Variants in UPF1 observed in about 807,000 individuals in gnomAD.
UPF1 encodes regulator of nonsense transcripts 1.
In UPF1, 9 loss-of-function variants were observed where a neutral mutation model predicts 129.2. That is an observed-to-expected ratio of 0.07 (90% confidence interval 0.04 to 0.12). UPF1 has a LOEUF of 0.12. UPF1 is among the 10% of genes least tolerant of loss of function. The pLI is 1.00. For missense variants in UPF1, 788 were observed against 1,525.3 expected, an observed-to-expected ratio of 0.52 and a Z score of 8.05; for synonymous variants, 649 against 644.9, an observed-to-expected ratio of 1.01 and a Z score of -0.10.
Position 18,860,430 on chromosome 19 carries a change from C to T in UPF1, c.2292C>T (p.Tyr764=), listed in dbSNP as rs2055765553. ...AGATTGCCAGCTCGGGCACCTCCTACCTGAACAGGTGAGCAGGGACAGGCC... is the reference window on the plus strand; with the variant it reads ...AGATTGCCAGCTCGGGCACCTCCTATCTGAACAGGTGAGCAGGGACAGGCC... ...QEEIASSGTS[Y]LNRTEAANVE... Residue 764 remains tyrosine, a synonymous_variant, in exon 16 of 24, where the codon TAC becomes TAT. Transcript: ENST00000262803. The T allele has an allele frequency of 1.2e-6, 2 of 1,614,044 alleles. No homozygotes were observed. Among genetic ancestry groups the T allele is most frequent in the Non-Finnish European group, 1.7e-6 (2 of 1,179,984 alleles).
chr19:18,855,472 G>T (rs570730983), intron 11 of UPF1: 18 of 605,420 alleles, frequency 3.0e-5, no homozygotes, highest in African/African-American at 3.0e-4. Context: ...TGGGGGCAGG[G>T]GGGGCATGGC....
intron 1 of UPF1, among the ~76,000 whole-genome samples, chr19:18,843,106 A>G (rs1436413002): frequency 6.6e-6 from 1 of 152,120 alleles, no homozygotes; most frequent in Non-Finnish European, 1.5e-5. Flanking sequence ...TACAGGTATG[A>G]GCCATCACGC....
At chr19:18,847,868 G>A (rs774919696) in intron 3 of UPF1, 35 bp downstream of exon 3, 1 of 1,591,778 alleles carries the variant, frequency 6.3e-7, no homozygotes, top group Non-Finnish European at 8.6e-7. Flanking sequence ...TGTTTAATCA[G>A]TGCTGTGCTC....
chr19:18,860,104 C>A, intron 15 of UPF1: 1 of 594,020 alleles, frequency 1.7e-6, no homozygotes, highest in South Asian at 2.0e-5. Flanking sequence ...TCTGTGCTGG[C>A]CATGGTGCTC....
At chr19:18,834,483 C>G (rs1002362208) in intron 1 of UPF1, among the ~76,000 whole-genome samples, 19 of 152,084 alleles carry the variant, frequency 1.2e-4, no homozygotes, top group African/African-American at 4.1e-4. Context: ...ACACACTGGG[C>G]TGTACAAAAG....
Position 18,856,245 on chromosome 19 carries a change from C to T in UPF1, c.1769C>T (p.Ala590Val), listed in dbSNP as rs774892145. The change falls in exon 13 of 24, where the codon GCC becomes GTC. Residue 590 changes from alanine to valine, a missense_variant. Transcript: ENST00000262803. ...GACGAGACTGGGGAGCTGTCGTCTG[C>T]CGACGAGAAGCGGTACCGGGCCTTG... is the stretch of plus-strand genomic sequence containing the variant. ...LKDETGELSS[A>V]DEKRYRALKR... 2.5e-6 allele frequency: 4 copies of T among 1,610,016 alleles called. No homozygotes were observed. The highest frequency in any genetic ancestry group is 3.4e-6 in the Non-Finnish European group (4 of 1,176,790).
Position 18,855,091 on chromosome 19 carries a change from G to A in UPF1, c.1426-33G>A, listed in dbSNP as rs368398780. On this transcript the variant is annotated intron_variant, in intron 10 of 23. Transcript: ENST00000262803. ...CTCGCCCATGGGCCGGGACGCAAGCGGAGGCTGCCCCTAACGGCCGCTTGT... is the reference window on the plus strand; with the variant it reads ...CTCGCCCATGGGCCGGGACGCAAGCAGAGGCTGCCCCTAACGGCCGCTTGT... 5.3e-5 allele frequency: 86 copies of A among 1,613,416 alleles called. No homozygotes were observed. In the East Asian group the frequency reaches 8.2e-4, roughly 15 times the overall value.
chr19:18,848,504 G>T (rs2055623782), intron 3 of UPF1: 1 of 152,320 alleles, frequency 6.6e-6, no homozygotes, highest in African/African-American at 2.4e-5. Context: ...CTGCTGGAGA[G>T]GATGGAGCAG....
chr19:18,840,590 C>G (rs138386112), intron 1 of UPF1, among the ~76,000 whole-genome samples: 1 of 152,196 alleles, frequency 6.6e-6, no homozygotes, highest in Admixed American at 6.5e-5. Context: ...GCCGTGACAC[C>G]CAGCTGTGCT....
intron 23 of UPF1, 121 bp from the exon 24 acceptor site, chr19:18,866,398 TCA>T (rs2055845002): frequency 7.6e-6 from 4 of 529,792 alleles, no homozygotes; most frequent in Non-Finnish European, 1.3e-5. Flanking sequence ...CCGCGGGACC[TCA>T]GTTTCCTCAT....
At chr19:18,849,934 A>C in intron 3 of UPF1, 141 bp from the exon 4 acceptor site, 9 of 1,032,704 alleles carry the variant, frequency 8.7e-6, no homozygotes, top group East Asian at 2.6e-5. Flanking sequence ...GCTGGCCCCC[A>C]GAGATGCCAG....
Position 18,860,826 on chromosome 19 carries a change from G to T in UPF1, c.2301G>T (p.Arg767Ser). 1 of 1,612,340 alleles carries T rather than the reference G, an allele frequency of 6.2e-7. No homozygotes were observed. The highest frequency in any genetic ancestry group is 8.5e-7 in the Non-Finnish European group (1 of 1,179,660). Residue 767 changes from arginine to serine, a missense_variant and splice_region_variant, in exon 17 of 24, where the codon AGG becomes AGT. Coordinates refer to ENST00000262803, the MANE Select transcript of UPF1 (RefSeq NM_002911.4). Reference sequence around the variant, plus strand: ...AGCACTGACAGCCTGGGTTTCTTAGGACCGAGGCTGCGAACGTGGAGAAGA... The same window carrying T: ...AGCACTGACAGCCTGGGTTTCTTAGTACCGAGGCTGCGAACGTGGAGAAGA... ...IASSGTSYLN[R>S]TEAANVEKIT...
At chr19:18,846,814 C>T in intron 2 of UPF1, among the ~76,000 whole-genome samples, 1 of 152,124 alleles carries the variant, frequency 6.6e-6, no homozygotes, top group East Asian at 1.9e-4. Context: ...CACGGTGAAA[C>T]CCTGTCTCCA....
chr19:18,833,421 T>C (rs2055450142), intron 1 of UPF1: 1 of 151,952 alleles, frequency 6.6e-6, no homozygotes, highest in South Asian at 2.1e-4. Context: ...CATAAACGAG[T>C]CTGCCACGTT....
At chr19:18,843,920 A>G (rs1420820726) in intron 1 of UPF1, among the ~76,000 whole-genome samples, 1 of 151,644 alleles carries the variant, frequency 6.6e-6, no homozygotes, top group Non-Finnish European at 1.5e-5. Context: ...TCGTTTGTGT[A>G]TTTTTTTGTG....
intron 1 of UPF1, among the ~76,000 whole-genome samples, chr19:18,833,543 C>G (rs2055451370): frequency 1.4e-5 from 2 of 138,586 alleles, no homozygotes; most frequent in South Asian, 5.0e-4. Context: ...CTGGGCGCTG[C>G]TTGCCTGGGG....
intron 23 of UPF1, 141 bp downstream of exon 23, chr19:18,866,307 C>T: frequency 1.5e-6 from 2 of 1,315,878 alleles, no homozygotes; most frequent in Non-Finnish European, 1.0e-6. Context: ...GCCCTCAGGG[C>T]CAGCTTGGCC....
At position 18,860,956 on chromosome 19, in the gene UPF1, G is replaced by A. The variant is rs775965911; in HGVS notation, c.2431G>A (p.Gly811Ser). 3 of 1,586,398 alleles carry A rather than the reference G, an allele frequency of 1.9e-6. No homozygotes were observed. Among genetic ancestry groups the A allele is most frequent in the Admixed American group, 1.8e-5 (1 of 56,442 alleles). ...CCTGGTGCAGTACATGCAGTTCAGCGGCTCCCTGCACACCAAGCTCTACCA... is the reference window on the plus strand; with the variant it reads ...CCTGGTGCAGTACATGCAGTTCAGCAGCTCCCTGCACACCAAGCTCTACCA... ...SYLVQYMQFS[G>S]SLHTKLYQEV... The change falls in exon 17 of 24, where the codon GGC becomes AGC. Residue 811 changes from glycine to serine, a missense_variant. Around this residue, in one of 6 missense-constraint regions of UPF1, gnomAD observed 140 missense variants for 385.9 expected, o/e 0.36. Coordinates refer to ENST00000262803, the MANE Select transcript of UPF1 (RefSeq NM_002911.4).
At chr19:18,852,385 G>A (rs1048156214) in intron 6 of UPF1, 89 bp downstream of exon 6, 1 of 1,554,458 alleles carries the variant, frequency 6.4e-7, no homozygotes, top group African/African-American at 1.4e-5. Context: ...TTCTCTCCAG[G>A]CTGTGGGAGC....
Sources: gnomAD v4.1 joint callset for allele counts (sites outside exome capture counted in the v4.1 genomes callset) on GRCh38, gnomAD v4.1.1 for gene constraint, gnomAD v4.1.1 regional missense constraint, MANE v1.5 for transcripts, NCBI Gene and HGNC (gene_info 2026-07-23, HGNC 2026-07-21) for gene names.